The following LRRC4C variants were observed in gnomAD, a reference collection of about 807,000 sequenced individuals.
The protein encoded by LRRC4C is leucine-rich repeat-containing protein 4C.
A neutral mutation model predicts 33.6 loss-of-function variants in LRRC4C; 5 were observed. That is an observed-to-expected ratio of 0.15 (90% CI 0.08 to 0.31). The LOEUF (loss-of-function observed/expected upper bound fraction) is 0.31. LRRC4C is among the 10% of genes least tolerant of loss of function. The pLI is 1.00. For missense variants in LRRC4C, 560 were observed against 796.7 expected (o/e 0.70, Z 3.58); for synonymous variants, 329 against 302.0 (o/e 1.09, Z -0.93).
At chr11:40,522,118 G>A (rs1955841495) in intron 3 of LRRC4C, among the ~76,000 whole-genome samples, 1 of 152,112 alleles carries the variant, frequency 6.6e-6, no homozygotes, top group Admixed American at 6.5e-5. Flanking sequence ...TGCCTCCTGG[G>A]TTCAAGCCAT....
intron 3 of LRRC4C, among the ~76,000 whole-genome samples, chr11:40,329,417 G>T (rs748424152): frequency 6.6e-6 from 1 of 152,190 alleles, no homozygotes; most frequent in Non-Finnish European, 1.5e-5. Context: ...CGTGAGTCAT[G>T]CTGGAAGGAT....
intron 3 of LRRC4C, among the ~76,000 whole-genome samples, chr11:40,452,628 C>T (rs901884844): frequency 3.2e-4 from 48 of 152,198 alleles, no homozygotes; most frequent in African/African-American, 1.2e-3. Context: ...TGTGTCGATT[C>T]CTCAGGGATC....
intron 5 of LRRC4C, among the ~76,000 whole-genome samples, chr11:40,164,053 C>T (rs565629908): frequency 1.3e-5 from 2 of 152,216 alleles, no homozygotes; most frequent in South Asian, 4.1e-4. Context: ...AACTTAGCTT[C>T]CATGTGGTTG....
intron 1 of LRRC4C, among the ~76,000 whole-genome samples, chr11:41,319,777 C>T (rs1423615400): frequency 1.3e-5 from 2 of 152,084 alleles, no homozygotes; most frequent in African/African-American, 4.8e-5. Context: ...TCTGGAACTC[C>T]TGGGCTCAAG....
At position 40,732,059 on chromosome 11, in the gene LRRC4C, C is replaced by G. The variant is rs572576301; in HGVS notation, c.-406-83781G>C. On this transcript the variant is annotated intron_variant, in intron 2 of 6. Transcript: ENST00000528697. The stretch of plus-strand genomic sequence containing the variant: ...AAAGTAGTAATATGCAAAAAAAAAC[C>G]AAAAAAAAAACAAAGTTTAAATGCT... Among the ~76,000 whole-genome samples the G allele has an allele frequency of 6.8e-3, 969 of 142,174 alleles. 11 individuals are homozygous for G. The highest frequency in any genetic ancestry group is 0.023 in the African/African-American group (895 of 39,694). 93.3% of individuals were successfully genotyped at this position (142,174 alleles called of 152,430 possible). A position where few individuals can be genotyped will look rare whatever the true frequency, so the allele number is the denominator to read the frequency against.
intron 2 of LRRC4C, among the ~76,000 whole-genome samples, chr11:40,696,321 T>C (rs1945526660): frequency 1.7e-5 from 2 of 119,482 alleles, no homozygotes; most frequent in African/African-American, 6.9e-5. Flanking sequence ...ATGTGGTATA[T>C]ATATGAGTAT....
At position 41,258,295 on chromosome 11, in the gene LRRC4C, G is replaced by A. The variant is rs566673739; in HGVS notation, c.-496+201136C>T. Among the ~76,000 whole-genome samples the A allele has an allele frequency of 3.9e-5, 6 of 151,972 alleles. No homozygotes were observed. In the South Asian group the frequency reaches 1.2e-3, roughly 32 times the overall value. On this transcript the variant is annotated intron_variant, in intron 1 of 6. Coordinates refer to ENST00000528697, the MANE Select transcript of LRRC4C (RefSeq NM_001258419.2). ...AGTTATGGCATTGAGTGTTAGGAAGGCTTGATATATCTTCAAGGGAAGAAG... is the reference window on the plus strand; with the variant it reads ...AGTTATGGCATTGAGTGTTAGGAAGACTTGATATATCTTCAAGGGAAGAAG...
chr11:41,226,018 G>T (rs896270719), intron 1 of LRRC4C, among the ~76,000 whole-genome samples: 1 of 152,108 alleles, frequency 6.6e-6, no homozygotes, highest in African/African-American at 2.4e-5. Flanking sequence ...TTTACTACTA[G>T]CAGTGGTTTA....
chr11:40,458,843 G>A (rs1440026443), intron 3 of LRRC4C, among the ~76,000 whole-genome samples: 2 of 152,120 alleles, frequency 1.3e-5, no homozygotes, highest in African/African-American at 4.8e-5. Context: ...TAAACTCAGA[G>A]AGAATGTTTT....
chr11:41,344,741 T>A (rs1415281828), intron 1 of LRRC4C, among the ~76,000 whole-genome samples: 1 of 152,246 alleles, frequency 6.6e-6, no homozygotes, highest in Non-Finnish European at 1.5e-5. Context: ...TATCTTAAAT[T>A]TCTATGTTTT....
At chr11:40,456,420 T>A (rs752317221) in intron 3 of LRRC4C, among the ~76,000 whole-genome samples, 10 of 151,104 alleles carry the variant, frequency 6.6e-5, no homozygotes, top group Non-Finnish European at 1.5e-4. Context: ...AACATAAAAG[T>A]CAAGGAAATC....
chr11:41,359,706 T>C (rs1334298943), intron 1 of LRRC4C, among the ~76,000 whole-genome samples: 2 of 152,160 alleles, frequency 1.3e-5, no homozygotes, highest in African/African-American at 4.8e-5. Context: ...TATATCTATT[T>C]CAGATATTTA....
At chr11:40,250,988 G>T (rs1349888875) in intron 4 of LRRC4C, among the ~76,000 whole-genome samples, 1 of 152,082 alleles carries the variant, frequency 6.6e-6, no homozygotes, top group East Asian at 1.9e-4. Context: ...AAATGAGATA[G>T]AATTGTCTTT....
chr11:40,322,177 C>A (rs927857285), intron 3 of LRRC4C, among the ~76,000 whole-genome samples: 1 of 152,176 alleles, frequency 6.6e-6, no homozygotes, highest in African/African-American at 2.4e-5. Context: ...TTTCATCCAT[C>A]TACCCAGCTT....
At chr11:41,076,645 A>T (rs1311044815) in intron 1 of LRRC4C, among the ~76,000 whole-genome samples, 2 of 152,132 alleles carry the variant, frequency 1.3e-5, no homozygotes, top group Non-Finnish European at 2.9e-5. Flanking sequence ...ATTATATTTC[A>T]TCTTTATGAG....
At chr11:40,852,197 G>A (rs1159911195) in intron 2 of LRRC4C, among the ~76,000 whole-genome samples, 1 of 151,542 alleles carries the variant, frequency 6.6e-6, no homozygotes, top group Non-Finnish European at 1.5e-5. Context: ...TTTCTAAATG[G>A]TATTTAAGTA....
At position 40,533,669 on chromosome 11, in the gene LRRC4C, GCATAGTCAGAGAAGCTAT is replaced by G. The variant is rs1219204207; in HGVS notation, c.-270+114455_-270+114472del. Among the ~76,000 whole-genome samples, 5 of 152,174 alleles carry G rather than the reference GCATAGTCAGAGAAGCTAT, an allele frequency of 3.3e-5. No homozygotes were observed. In the East Asian group the frequency reaches 9.7e-4, roughly 29 times the overall value. On this transcript the variant is annotated intron_variant, in intron 3 of 6. Coordinates refer to ENST00000528697, the MANE Select transcript of LRRC4C (RefSeq NM_001258419.2). ...AGGCTCACCCTCTATTTCCAGAGAG[GCATAGTCAGAGAAGCTAT>G]CTCAACGTCAATCACATGTGATTAT...
chr11:41,240,821 G>GCA (rs967501863), intron 1 of LRRC4C, among the ~76,000 whole-genome samples: 5 of 151,894 alleles, frequency 3.3e-5, no homozygotes, highest in African/African-American at 7.2e-5. Flanking sequence ...TAACACACAC[G>GCA]CACACACACA....
At chr11:40,552,356 C>T (rs370028992) in intron 3 of LRRC4C, among the ~76,000 whole-genome samples, 7 of 152,302 alleles carry the variant, frequency 4.6e-5, no homozygotes, top group African/African-American at 1.7e-4. Context: ...AATTCGAACC[C>T]AGTTGTTTTA....
Sources: allele counts gnomAD v4.1 joint callset (sites outside exome capture counted in the v4.1 genomes callset), GRCh38; gene constraint gnomAD v4.1.1; transcripts MANE v1.5; gene names NCBI Gene and HGNC (gene_info 2026-07-23, HGNC 2026-07-21).